Variants in CDH12 observed in about 807,000 individuals in gnomAD.
The protein encoded by CDH12 is cadherin-12.
Under a neutral mutation model 74.1 loss-of-function variants are expected in CDH12, and 41 were observed. That is an observed-to-expected ratio of 0.55 (90% CI 0.43 to 0.72). The LOEUF is 0.72. Ranked by LOEUF, CDH12 falls within the 30% of genes least tolerant of loss-of-function variation. The pLI is 0.00. For missense variants in CDH12, 945 were observed against 977.2 expected, an observed-to-expected ratio of 0.97 and a Z score of 0.44; for synonymous variants, 399 against 355.0, an observed-to-expected ratio of 1.12 and a Z score of -1.39.
chr5:22,084,882 C>T (rs1742965898), intron 4 of CDH12, among the ~76,000 whole-genome samples: 1 of 152,130 alleles, frequency 6.6e-6, no homozygotes, highest in African/African-American at 2.4e-5. Flanking sequence ...AAGCCATCAA[C>T]CTGGGTATAC....
intron 2 of CDH12, among the ~76,000 whole-genome samples, chr5:22,467,120 C>T (rs1181484052): frequency 2.0e-5 from 3 of 152,062 alleles, no homozygotes; most frequent in Non-Finnish European, 2.9e-5. Context: ...AGCCCAGGCT[C>T]AGGAGAGTTC....
intron 1 of CDH12, among the ~76,000 whole-genome samples, chr5:22,591,420 A>T (rs1736312498): frequency 6.6e-6 from 1 of 152,166 alleles, no homozygotes; most frequent in Non-Finnish European, 1.5e-5. Flanking sequence ...TTAAAATGGC[A>T]TGTTTGTAAT....
intron 1 of CDH12, among the ~76,000 whole-genome samples, chr5:22,529,692 T>G (rs992496231): frequency 3.3e-5 from 5 of 152,154 alleles, no homozygotes; most frequent in African/African-American, 1.2e-4. Flanking sequence ...TGTGGCCCAG[T>G]TGAGTTAACA....
At chr5:22,391,415 CT>C (rs1440437292) in intron 3 of CDH12, among the ~76,000 whole-genome samples, 1 of 152,050 alleles carries the variant, frequency 6.6e-6, no homozygotes, top group Non-Finnish European at 1.5e-5. Flanking sequence ...GCAGACATTT[CT>C]TTTACAAAAC....
At chr5:21,992,946 G>A (rs558791984) in intron 5 of CDH12, among the ~76,000 whole-genome samples, 3 of 152,236 alleles carry the variant, frequency 2.0e-5, no homozygotes, top group East Asian at 1.9e-4. Flanking sequence ...GGCAGAAGGC[G>A]AGGCACATCT....
At chr5:21,891,476 C>T (rs1037824322) in intron 6 of CDH12, among the ~76,000 whole-genome samples, 1 of 151,910 alleles carries the variant, frequency 6.6e-6, no homozygotes, top group African/African-American at 2.4e-5. Flanking sequence ...AAATGAATTA[C>T]ACACATCATG....
chr5:22,423,181 A>G (rs1402510308), intron 2 of CDH12, among the ~76,000 whole-genome samples: 1 of 150,442 alleles, frequency 6.6e-6, no homozygotes, highest in Admixed American at 6.7e-5. Flanking sequence ...TTGTTTTTCA[A>G]TCATCAGTAC....
chr5:22,826,886 G>A (rs1736355371), intron 1 of CDH12, among the ~76,000 whole-genome samples: 1 of 152,192 alleles, frequency 6.6e-6, no homozygotes, highest in African/African-American at 2.4e-5. Flanking sequence ...AAAACTTGCA[G>A]TCTGACAATG....
chr5:21,964,725 A>C (rs571361190), intron 6 of CDH12, among the ~76,000 whole-genome samples: 39 of 152,154 alleles, frequency 2.6e-4, no homozygotes, highest in African/African-American at 8.7e-4. Flanking sequence ...TGCATAAACA[A>C]GATGTATTTT....
At chr5:22,357,255 T>A (rs901688085) in intron 3 of CDH12, among the ~76,000 whole-genome samples, 2 of 152,138 alleles carry the variant, frequency 1.3e-5, no homozygotes, top group Non-Finnish European at 2.9e-5. Flanking sequence ...TATTATTTAT[T>A]CTTGCAGCTA....
intron 1 of CDH12, among the ~76,000 whole-genome samples, chr5:22,634,433 A>C (rs2126861173): frequency 6.6e-6 from 1 of 152,310 alleles, no homozygotes; most frequent in African/African-American, 2.4e-5. Flanking sequence ...GCAAAAGAGT[A>C]ATAGTGGTTA....
At chr5:22,287,968 T>C (rs1737229876) in intron 3 of CDH12, among the ~76,000 whole-genome samples, 2 of 152,170 alleles carry the variant, frequency 1.3e-5, no homozygotes. Flanking sequence ...ACATTTGAAT[T>C]GTTTATGGAA....
intron 1 of CDH12, among the ~76,000 whole-genome samples, chr5:22,725,113 G>A (rs1375653119): frequency 4.0e-5 from 6 of 151,824 alleles, no homozygotes; most frequent in Middle Eastern, 3.4e-3. Context: ...AGAAAAATCC[G>A]GATTTGAGTG....
At chr5:21,858,066 C>T (rs1750847450) in intron 6 of CDH12, among the ~76,000 whole-genome samples, 1 of 151,470 alleles carries the variant, frequency 6.6e-6, no homozygotes, top group African/African-American at 2.4e-5. Context: ...GATTAGGACC[C>T]ACCCTTAGGA....
chr5:22,017,764 T>G (rs1737690631), intron 5 of CDH12, among the ~76,000 whole-genome samples: 1 of 134,840 alleles, frequency 7.4e-6, no homozygotes, highest in Admixed American at 7.3e-5. Context: ...CCCTCCATTC[T>G]TTTTTTTTTT....
intron 5 of CDH12, among the ~76,000 whole-genome samples, chr5:22,014,638 G>A (rs539420631): frequency 5.3e-5 from 8 of 152,178 alleles, no homozygotes; most frequent in African/African-American, 1.9e-4. Flanking sequence ...GAATGCAATA[G>A]AGTCATCCTG....
In CDH12 at chr5:22,078,958, C is replaced by T. The variant is rs182466948; in HGVS notation, c.-186-96G>A. ...TATATCTGCCAACATTTAAGGAAAC[C>T]GAGAAGAAAGACTATAAAAGAATTA... On this transcript the variant is annotated intron_variant, in intron 4 of 14. Coordinates refer to ENST00000382254, the MANE Select transcript of CDH12 (RefSeq NM_004061.5). 3.9e-4 allele frequency: 182 copies of T among 469,570 alleles called. No individual in the cohort carries two copies. Among genetic ancestry groups the T allele is most frequent in the Admixed American group, 7.7e-4 (16 of 20,818 alleles). 29.1% of individuals were successfully genotyped at this position (469,570 alleles called of 1,614,324 possible). A position where few individuals can be genotyped will look rare whatever the true frequency, so the allele number is the denominator to read the frequency against.
rs540583887 is a variant in CDH12 at position 21,893,195 on chromosome 5, G to A, written c.527-38405C>T. Reference sequence around the variant, plus strand: ...TTGATCATTGCCTTTCAAGTTAATTGTAAAATTTCAAGCATGGGTGGATCA... The same window carrying A: ...TTGATCATTGCCTTTCAAGTTAATTATAAAATTTCAAGCATGGGTGGATCA... On this transcript the variant is annotated intron_variant, in intron 6 of 14. Coordinates refer to ENST00000382254, the MANE Select transcript of CDH12 (RefSeq NM_004061.5). Among the ~76,000 whole-genome samples the A allele has an allele frequency of 2.6e-5, 4 of 152,260 alleles. No homozygotes were observed. The South Asian group carries it at 8.3e-4, about 32-fold the overall frequency.
intron 5 of CDH12, among the ~76,000 whole-genome samples, chr5:21,977,996 T>G (rs1373582228): frequency 6.6e-6 from 1 of 152,126 alleles, no homozygotes; most frequent in Admixed American, 6.6e-5. Flanking sequence ...AGTATAGACA[T>G]TTTTCCAATA....
Sources: gnomAD v4.1 joint callset for allele counts (sites outside exome capture counted in the v4.1 genomes callset) on GRCh38, gnomAD v4.1.1 for gene constraint, MANE v1.5 for transcripts, NCBI Gene and HGNC (gene_info 2026-07-23, HGNC 2026-07-21) for gene names.